HIGD2B: variants seen among roughly 807,000 people sequenced by gnomAD.
HIGD2B encodes HIG1 hypoxia inducible domain family member 2B.
For missense variants in HIGD2B, 106 were observed against 67.0 expected, an observed-to-expected ratio of 1.58 and a Z score of -2.03; for synonymous variants, 45 against 28.1, an observed-to-expected ratio of 1.60 and a Z score of -1.90.
At position 72,676,315 on chromosome 15, in the gene HIGD2B, G is replaced by T; in HGVS notation, c.60C>A (p.Ile20=). Residue 20 remains isoleucine, a synonymous_variant, in exon 3 of 3, where the codon ATC becomes ATA. Transcript: ENST00000311755. ...AAACAGTGGGGCTAAGCCCCTCAAA[G>T]ATGGGGGGCTTCGATGATTCAAAGG... The part of the protein sequence containing the change: ...EAPFESSKPP[I]FEGLSPTVYS... 1.3e-6 allele frequency: 1 copy of T among 761,884 alleles called. No individual in the cohort carries two copies. The highest frequency in any genetic ancestry group is 2.4e-5 in the East Asian group (1 of 41,124). The allele number at this position is 761,884 out of a possible 1,614,324, so 47.2% of individuals were successfully genotyped here.
In HIGD2B at chr15:72,680,060, T is replaced by C; in HGVS notation, c.-59A>G. The C allele has an allele frequency of 2.2e-6, 1 of 458,800 alleles. No homozygotes were observed. Among genetic ancestry groups the C allele is most frequent in the Non-Finnish European group, 3.2e-6 (1 of 311,822 alleles). 28.4% of individuals were successfully genotyped at this position (458,800 alleles called of 1,614,324 possible). A position where few individuals can be genotyped will look rare whatever the true frequency, so the allele number is the denominator to read the frequency against. On this transcript the variant is annotated 5_prime_UTR_variant, in exon 2 of 3. Transcript: ENST00000311755. Reference sequence around the variant, plus strand: ...AACAGAGTTCTCCCGACGAATGTCTTCATATTCCTCATAGATTCCCTGCTT... The same window carrying C: ...AACAGAGTTCTCCCGACGAATGTCTCCATATTCCTCATAGATTCCCTGCTT...
intron 1 of HIGD2B, among the ~76,000 whole-genome samples, chr15:72,684,334 C>T (rs1250046497): frequency 6.6e-6 from 1 of 152,118 alleles, no homozygotes; most frequent in Non-Finnish European, 1.5e-5. Flanking sequence ...CATTTATGGC[C>T]TATGCCCTAT....
At chr15:72,676,867 G>T (rs1467388958) in intron 2 of HIGD2B, among the ~76,000 whole-genome samples, 1 of 152,158 alleles carries the variant, frequency 6.6e-6, no homozygotes, top group African/African-American at 2.4e-5. Flanking sequence ...GGAGGCTTAT[G>T]GTGATGGAAC....
At chr15:72,685,079 A>C (rs2064799985) in intron 1 of HIGD2B, among the ~76,000 whole-genome samples, 1 of 152,228 alleles carries the variant, frequency 6.6e-6, no homozygotes. Context: ...TGGGATTGTT[A>C]TAAAGATTAA....
rs2064734326 is a variant in HIGD2B at position 72,680,167 on chromosome 15, A to G, written c.-166T>C. 2 of 177,900 alleles carry G rather than the reference A, an allele frequency of 1.1e-5. No individual in the cohort carries two copies. Among genetic ancestry groups the G allele is most frequent in the Non-Finnish European group, 2.4e-5 (2 of 82,728 alleles). The allele number at this position is 177,900 out of a possible 1,614,324, so 11.0% of individuals were successfully genotyped here. On this transcript the variant is annotated 5_prime_UTR_variant, in exon 2 of 3. Transcript: ENST00000311755. ...TTCTTACCCAGCTGGTGGAGTCTAC[A>G]GCCTATTTCAGGTTTGACCTCAGTA... is the stretch of plus-strand genomic sequence containing the variant.
intron 2 of HIGD2B, 21 bp downstream of exon 2, chr15:72,679,994 G>C (rs778035590): frequency 1.3e-4 from 46 of 342,240 alleles, no homozygotes; most frequent in African/African-American, 7.8e-4. Context: ...CCAACTGCTG[G>C]TCCAAACATT....
intron 1 of HIGD2B, among the ~76,000 whole-genome samples, chr15:72,683,890 C>A (rs2064775472): frequency 1.0e-5 from 1 of 96,772 alleles, no homozygotes; most frequent in African/African-American, 3.8e-5. Flanking sequence ...AATTTTTCAT[C>A]TTTATATCTT....
rs542891198 is a variant in HIGD2B, at chr15:72,676,254, G to A, written c.121C>T (p.Arg41Cys). Residue 41 changes from arginine to cysteine, a missense_variant, in exon 3 of 3, where the codon CGC becomes TGC. By Grantham distance (180) the Arg-to-Cys change is radical. Transcript: ENST00000311755. The stretch of plus-strand genomic sequence containing the variant: ...ACCACCGGATTCTCGCGGGTCTTGC[G>A]AAGGAACTTTTCCTTGAAACCCTCT... Reference protein sequence around the residue: ...NPEGFKEKFLRKTRENPVVPI... With the variant: ...NPEGFKEKFLCKTRENPVVPI... 71 of 767,102 alleles carry A rather than the reference G, an allele frequency of 9.3e-5. No homozygotes were observed. Among genetic ancestry groups the A allele is most frequent in the Admixed American group, 2.2e-4 (13 of 58,782 alleles). 47.5% of individuals were successfully genotyped at this position (767,102 alleles called of 1,614,324 possible).
intron 1 of HIGD2B, among the ~76,000 whole-genome samples, chr15:72,685,080 T>G (rs77801034): frequency 6.6e-6 from 1 of 152,322 alleles, no homozygotes; most frequent in East Asian, 1.9e-4. Flanking sequence ...GGGATTGTTA[T>G]AAAGATTAAA....
intron 1 of HIGD2B, among the ~76,000 whole-genome samples, chr15:72,684,791 T>G (rs922453109): frequency 2.6e-5 from 4 of 151,184 alleles, no homozygotes; most frequent in Non-Finnish European, 4.4e-5. Flanking sequence ...GCCCAGCAAA[T>G]TTTTGTTTTT....
At chr15:72,681,274 A>T (rs188629439) in intron 1 of HIGD2B, among the ~76,000 whole-genome samples, 6 of 152,290 alleles carry the variant, frequency 3.9e-5, no homozygotes, top group Admixed American at 3.9e-4. Flanking sequence ...AGGAGAATAA[A>T]TAAGAGGCTC....
chr15:72,681,570 CT>C (rs1420350272), intron 1 of HIGD2B, among the ~76,000 whole-genome samples: 1 of 146,110 alleles, frequency 6.8e-6, no homozygotes, highest in Non-Finnish European at 1.5e-5. Flanking sequence ...AATAGAAAAT[CT>C]TGTTTTCCTG....
intron 2 of HIGD2B, 49 bp from the exon 3 acceptor site, chr15:72,676,436 G>C (rs2064693817): frequency 1.6e-6 from 1 of 633,168 alleles, no homozygotes; most frequent in South Asian, 1.9e-5. Flanking sequence ...AAGGAGTCTT[G>C]CTCTGTAGCC....
chr15:72,681,026 G>A (rs1256085028), intron 1 of HIGD2B, among the ~76,000 whole-genome samples: 1 of 152,186 alleles, frequency 6.6e-6, no homozygotes, highest in African/African-American at 2.4e-5. Flanking sequence ...TGGTTCACTT[G>A]TTACTGCCTT....
chr15:72,680,113 A>G lies in HIGD2B; in HGVS notation c.-112T>C, dbSNP rs1277050220. On this transcript the variant is annotated 5_prime_UTR_variant, in exon 2 of 3. Transcript: ENST00000311755. The stretch of plus-strand genomic sequence containing the variant: ...GCCTGGGCAAAATAGTCCATCAACC[A>G]AAGTTTAGGTTTTCTGATCTTCTTC... 3.5e-5 allele frequency: 10 copies of G among 286,150 alleles called. No homozygotes were observed. In the East Asian group the frequency reaches 9.1e-4, roughly 26 times the overall value. The allele number at this position is 286,150 out of a possible 1,614,324, so 17.7% of individuals were successfully genotyped here.
chr15:72,681,162 G>A (rs768567243), intron 1 of HIGD2B, among the ~76,000 whole-genome samples: 7 of 152,096 alleles, frequency 4.6e-5, no homozygotes, highest in South Asian at 2.1e-4. Context: ...AGTAGTCTCC[G>A]TGGCCCTGTA....
rs1475565210 is a variant in HIGD2B, at chr15:72,686,138, T to A, written c.-513A>T. On this transcript the variant is annotated 5_prime_UTR_variant, in exon 1 of 3. Transcript: ENST00000311755. ...CGATTTACTTCCTTCCCCCGCTTCC[T>A]CACAGTCCTCCACAGCCCTACGACT... 2.1e-5 allele frequency: 29 copies of A among 1,368,504 alleles called. No individual in the cohort carries two copies. Among genetic ancestry groups the A allele is most frequent in the Non-Finnish European group, 2.7e-5 (27 of 989,536 alleles). The allele number at this position is 1,368,504 out of a possible 1,614,324, so 84.8% of individuals were successfully genotyped here. A position where few individuals can be genotyped will look rare whatever the true frequency, so the allele number is the denominator to read the frequency against.
Position 72,681,833 on chromosome 15 carries a change from C to T in HIGD2B, c.-192-1640G>A, listed in dbSNP as rs1013652587. 6.6e-5 allele frequency among the ~76,000 whole-genome samples: 10 copies of T among 152,060 alleles called. 1 individual carries two copies. Among genetic ancestry groups the T allele is most frequent in the Non-Finnish European group, 1.5e-4 (10 of 68,006 alleles). ...GGTTGGCCAGGCTGGTCTCAAACTC[C>T]GGACCTGAAGGGATCCATCTGCCTA... On this transcript the variant is annotated intron_variant, in intron 1 of 2. Coordinates refer to ENST00000311755, the MANE Select transcript of HIGD2B (RefSeq NM_001350932.3).
At chr15:72,681,492 A>G (rs1000835368) in intron 1 of HIGD2B, among the ~76,000 whole-genome samples, 1 of 152,088 alleles carries the variant, frequency 6.6e-6, no homozygotes, top group Non-Finnish European at 1.5e-5. Context: ...ACTCCTTATT[A>G]TCCATAGGGA....
Sources: gnomAD v4.1 joint callset for allele counts (sites outside exome capture counted in the v4.1 genomes callset) on GRCh38, gnomAD v4.1.1 for gene constraint, MANE v1.5 for transcripts, NCBI Gene and HGNC (gene_info 2026-07-23, HGNC 2026-07-21) for gene names.